The following DOCK9 variants were observed in gnomAD, a reference collection of about 807,000 sequenced individuals.
DOCK9 encodes dedicator of cytokinesis 9.
In DOCK9, 89 loss-of-function variants were observed where a neutral mutation model predicts 263.3. That is an observed-to-expected ratio of 0.34 (90% CI 0.28 to 0.40). DOCK9 has a LOEUF of 0.40. Among genes scored for constraint, DOCK9 ranks in the 10% least tolerant of loss-of-function variants. The pLI is 1.00. For missense variants in DOCK9, 2,140 were observed against 2,603.4 expected, an observed-to-expected ratio of 0.82 and a Z score of 3.87; for synonymous variants, 976 against 973.1, an observed-to-expected ratio of 1.00 and a Z score of -0.06.
At position 99,023,763 on chromosome 13, in the gene DOCK9, G is replaced by A. The variant is rs192791248; in HGVS notation, c.129+62460C>T. Among the ~76,000 whole-genome samples the A allele has an allele frequency of 1.2e-4, 18 of 152,272 alleles. No homozygotes were observed. In the East Asian group the frequency reaches 2.5e-3, roughly 21 times the overall value. The stretch of plus-strand genomic sequence containing the variant: ...CGAGGATGGTAACTGGTCTTTTCTC[G>A]TCCTCTCTCCATTGGCCTGTCAGCC... On this transcript the variant is annotated intron_variant, in intron 1 of 32. Transcript: ENST00000427887.
At chr13:99,058,033 G>T in intron 1 of DOCK9, among the ~76,000 whole-genome samples, 1 of 151,962 alleles carries the variant, frequency 6.6e-6, no homozygotes, top group East Asian at 1.9e-4. Context: ...AGGGGGAAGG[G>T]TATTTATACA....
At chr13:99,066,151 A>G (rs1450191122) in intron 1 of DOCK9, among the ~76,000 whole-genome samples, 1 of 152,116 alleles carries the variant, frequency 6.6e-6, no homozygotes, top group African/African-American at 2.4e-5. Context: ...CTAAGAACCA[A>G]CTTTAGTACT....
chr13:99,079,386 C>T (rs1307149563), intron 1 of DOCK9, among the ~76,000 whole-genome samples: 3 of 152,112 alleles, frequency 2.0e-5, no homozygotes, highest in Non-Finnish European at 4.4e-5. Flanking sequence ...CCTGTGACCT[C>T]GAGGTAACGT....
At chr13:99,075,141 G>C (rs1376780941) in intron 1 of DOCK9, among the ~76,000 whole-genome samples, 3 of 151,552 alleles carry the variant, frequency 2.0e-5, no homozygotes, top group Non-Finnish European at 4.4e-5. Flanking sequence ...ATTTACAGTA[G>C]TAAATGATAA....
At chr13:98,951,932 T>C (rs1255687197) in intron 2 of DOCK9, among the ~76,000 whole-genome samples, 3 of 136,288 alleles carry the variant, frequency 2.2e-5, no homozygotes, top group Admixed American at 7.2e-5. Flanking sequence ...AGTTTTCCTC[T>C]TGTCCCCCAG....
intron 1 of DOCK9, among the ~76,000 whole-genome samples, chr13:98,998,745 C>A (rs1272733495): frequency 6.6e-6 from 1 of 152,126 alleles, no homozygotes; most frequent in East Asian, 1.9e-4. Context: ...TCGTTGGGAC[C>A]CCTCATCTCA....
chr13:98,831,440 T>G lies in DOCK9; in HGVS notation c.4543A>C (p.Ile1515Leu). The change falls in exon 41 of 53, where the codon ATC becomes CTC. Residue 1515 changes from isoleucine to leucine, a missense_variant. By Grantham distance (5) the Ile-to-Leu change is conservative. Around this residue, in one of 2 missense-constraint regions of DOCK9, gnomAD observed 619 missense variants for 861.8 expected, o/e 0.72. Transcript: ENST00000682017. ...LKCCNSKLSS[I>L]RTEASQLLYF... ...AGCAGCTGGGAGGCCTCCGTCCTGA[T>G]GGAGCTCAGCTTGGAGTTACAGCAC... is the stretch of plus-strand genomic sequence containing the variant. 1 of 1,600,362 alleles carries G rather than the reference T, an allele frequency of 6.2e-7. No individual in the cohort carries two copies. Among genetic ancestry groups the G allele is most frequent in the Non-Finnish European group, 8.5e-7 (1 of 1,173,090 alleles).
chr13:99,036,045 C>A (rs904010073), intron 1 of DOCK9, among the ~76,000 whole-genome samples: 14 of 152,176 alleles, frequency 9.2e-5, no homozygotes, highest in African/African-American at 3.1e-4. Context: ...GCCTGCCTGC[C>A]TACCCTAGCC....
In DOCK9 at chr13:98,800,462, A is replaced by T. The variant is rs2139936593; in HGVS notation, c.5742T>A (p.Pro1914=). The T allele has an allele frequency of 6.2e-7, 1 of 1,614,002 alleles. No homozygotes were observed. Among genetic ancestry groups the T allele is most frequent in the East Asian group, 2.2e-5 (1 of 44,886 alleles). Residue 1914 remains proline, a synonymous_variant, in exon 50 of 53, where the codon CCT becomes CCA. Coordinates refer to ENST00000682017, the MANE Select transcript of DOCK9 (RefSeq NM_001366683.2). ...RTILTAIHCF[P]YVKKRIPVMY... ...TGACAGGGATGCGCTTCTTCACATA[A>T]GGGAAGCAGTGTATGGCTGCAGAGG...
At chr13:98,842,822 C>T (rs2093268998) in intron 38 of DOCK9, among the ~76,000 whole-genome samples, 1 of 152,158 alleles carries the variant, frequency 6.6e-6, no homozygotes, top group African/African-American at 2.4e-5. Flanking sequence ...TTTCCATACA[C>T]CTGAGTGATG....
intron 16 of DOCK9, 26 bp downstream of exon 16, chr13:98,888,606 G>C (rs2046159239): frequency 6.2e-7 from 1 of 1,612,124 alleles, no homozygotes; most frequent in African/African-American, 1.3e-5. Flanking sequence ...TAAAAATTCT[G>C]TCTATTATGT....
intron 1 of DOCK9, among the ~76,000 whole-genome samples, chr13:98,991,060 G>A (rs1879667555): frequency 6.7e-6 from 1 of 148,580 alleles, no homozygotes; most frequent in Admixed American, 6.7e-5. Flanking sequence ...GACTAAAAGG[G>A]ATGCAAACAA....
intron 3 of DOCK9, 68 bp from the exon 4 acceptor site, chr13:98,925,987 G>T: frequency 7.3e-7 from 1 of 1,363,680 alleles, no homozygotes; most frequent in South Asian, 1.4e-5. Context: ...AAAACACTTG[G>T]GAAAGTTTGT....
intron 30 of DOCK9, among the ~76,000 whole-genome samples, chr13:98,865,335 G>T (rs1297858499): frequency 6.6e-6 from 1 of 152,102 alleles, no homozygotes; most frequent in African/African-American, 2.4e-5. Context: ...GCCTCCCAAA[G>T]TGCTGGGATT....
At position 98,969,595 on chromosome 13, in the gene DOCK9, G is replaced by A. The variant is rs1026731125; in HGVS notation, c.126+8189C>T. Reference sequence around the variant, plus strand: ...GTATAAACCTTCACTACAATAAAGCGGGATGCCTGACAACAAGCTGGAACA... The same window carrying A: ...GTATAAACCTTCACTACAATAAAGCAGGATGCCTGACAACAAGCTGGAACA... On this transcript the variant is annotated intron_variant, in intron 1 of 52. Transcript: ENST00000682017. Among the ~76,000 whole-genome samples the A allele has an allele frequency of 1.4e-4, 21 of 152,322 alleles. No individual in the cohort carries two copies. The South Asian group carries it at 1.7e-3, about 12-fold the overall frequency.
At chr13:98,898,149 G>A (rs376761321) in intron 14 of DOCK9, 30 bp downstream of exon 14, 121 of 1,533,226 alleles carry the variant, frequency 7.9e-5, no homozygotes, top group Non-Finnish European at 9.9e-5. Context: ...TATCTATATC[G>A]ATTTAAAAGG....
intron 2 of DOCK9, chr13:98,950,207 G>T (rs886539355): frequency 4.9e-6 from 5 of 1,022,340 alleles, no homozygotes; most frequent in African/African-American, 1.6e-5. Flanking sequence ...TGTTTATCTG[G>T]CAATTCCAAG....
At chr13:99,071,742 T>C (rs1470679281) in intron 1 of DOCK9, among the ~76,000 whole-genome samples, 1 of 152,212 alleles carries the variant, frequency 6.6e-6, no homozygotes, top group African/African-American at 2.4e-5. Flanking sequence ...AAAATGTTTC[T>C]ATATAGTACC....
chr13:98,795,445 G>C (rs528799435), intron 52 of DOCK9, among the ~76,000 whole-genome samples: 1 of 152,320 alleles, frequency 6.6e-6, no homozygotes, highest in South Asian at 2.1e-4. Context: ...CCCCCGCCAC[G>C]GCCCTTCAGG....
Sources: allele counts gnomAD v4.1 joint callset (sites outside exome capture counted in the v4.1 genomes callset), GRCh38; gene constraint gnomAD v4.1.1; regional missense constraint gnomAD v4.1.1; transcripts MANE v1.5; gene names NCBI Gene and HGNC (gene_info 2026-07-23, HGNC 2026-07-21).